Variants in NDST4 observed in about 807,000 individuals in gnomAD.
NDST4 encodes the protein N-deacetylase and N-sulfotransferase 4.
In NDST4, 63 loss-of-function variants were observed where a neutral mutation model predicts 100.8. The observed-to-expected ratio is 0.62, with a 90% CI of 0.51 to 0.77. The LOEUF (loss-of-function observed/expected upper bound fraction) is 0.77. NDST4 is among the 30% of genes least tolerant of loss of function. NDST4 has a pLI of 0.00. For synonymous variants in NDST4, 377 were observed against 361.8 expected, an observed-to-expected ratio of 1.04 and a Z score of -0.48; for missense variants, 943 against 1,018.4, an observed-to-expected ratio of 0.93 and a Z score of 1.01.
intron 4 of NDST4, among the ~76,000 whole-genome samples, chr4:114,961,579 T>C (rs1044758408): frequency 7.2e-5 from 11 of 151,808 alleles, no homozygotes; most frequent in African/African-American, 2.4e-4. Flanking sequence ...GCCAAATATT[T>C]GATAACTTAG....
chr4:114,974,866 A>T (rs1726594722), intron 3 of NDST4, among the ~76,000 whole-genome samples: 1 of 152,134 alleles, frequency 6.6e-6, no homozygotes, highest in African/African-American at 2.4e-5. Context: ...AATCATTATT[A>T]CACTGGGCCT....
intron 1 of NDST4, among the ~76,000 whole-genome samples, chr4:115,099,688 A>G (rs1729691589): frequency 6.6e-6 from 1 of 152,164 alleles, no homozygotes; most frequent in African/African-American, 2.4e-5. Flanking sequence ...GACATAGAGC[A>G]ACAAGTGCTC....
intron 6 of NDST4, among the ~76,000 whole-genome samples, chr4:114,888,801 G>A (rs764142357): frequency 1.3e-5 from 2 of 152,036 alleles, no homozygotes; most frequent in Non-Finnish European, 2.9e-5. Flanking sequence ...TAAGAAATAC[G>A]GTATCAGCAT....
intron 2 of NDST4, among the ~76,000 whole-genome samples, chr4:115,029,213 G>A (rs1055278629): frequency 3.3e-5 from 5 of 152,072 alleles, no homozygotes; most frequent in African/African-American, 1.2e-4. Context: ...GGGATGTGAG[G>A]TCAAAGAAGG....
intron 2 of NDST4, among the ~76,000 whole-genome samples, chr4:114,997,784 G>C (rs891828943): frequency 2.0e-5 from 3 of 151,988 alleles, no homozygotes; most frequent in Non-Finnish European, 4.4e-5. Context: ...CACTCAGAGA[G>C]AACTATGACT....
chr4:114,929,703 C>G (rs1725472983), intron 6 of NDST4, among the ~76,000 whole-genome samples: 1 of 152,098 alleles, frequency 6.6e-6, no homozygotes, highest in African/African-American at 2.4e-5. Flanking sequence ...GATTAGTTCA[C>G]AAGTGGTAAA....
intron 6 of NDST4, among the ~76,000 whole-genome samples, chr4:114,926,033 G>A (rs948790219): frequency 1.3e-5 from 2 of 152,074 alleles, no homozygotes; most frequent in Non-Finnish European, 2.9e-5. Context: ...TGGACTACCT[G>A]GTGTAAGCTG....
At chr4:114,908,272 G>T (rs2126213278) in intron 6 of NDST4, among the ~76,000 whole-genome samples, 1 of 152,038 alleles carries the variant, frequency 6.6e-6, no homozygotes, top group African/African-American at 2.4e-5. Context: ...GTACTTTCTA[G>T]TACTTTAAAA....
intron 2 of NDST4, among the ~76,000 whole-genome samples, chr4:115,058,555 G>A (rs1407835775): frequency 6.6e-6 from 1 of 152,018 alleles, no homozygotes; most frequent in Non-Finnish European, 1.5e-5. Flanking sequence ...GTTACTGTTT[G>A]TACTGAATTT....
chr4:114,876,966 T>C (rs886290800), intron 6 of NDST4, among the ~76,000 whole-genome samples: 3 of 152,158 alleles, frequency 2.0e-5, no homozygotes, highest in South Asian at 2.1e-4. Context: ...TGAGTTTATA[T>C]AGGGAATTCT....
intron 4 of NDST4, among the ~76,000 whole-genome samples, chr4:114,959,486 A>C (rs2126235520): frequency 6.6e-6 from 1 of 152,312 alleles, no homozygotes; most frequent in Non-Finnish European, 1.5e-5. Flanking sequence ...CACATCTTAC[A>C]TGGTGGCAGG....
At chr4:115,088,803 C>A (rs376709565) in intron 1 of NDST4, among the ~76,000 whole-genome samples, 119 of 152,096 alleles carry the variant, frequency 7.8e-4, no homozygotes, top group South Asian at 1.2e-3. Flanking sequence ...TCTCTTTTAT[C>A]TTTAAGTCTA....
intron 2 of NDST4, among the ~76,000 whole-genome samples, chr4:115,064,019 C>G (rs981128376): frequency 2.0e-5 from 3 of 151,882 alleles, no homozygotes; most frequent in Non-Finnish European, 2.9e-5. Flanking sequence ...CAGCACTTAA[C>G]GTTAGTATTA....
chr4:115,045,649 C>A (rs1161746608), intron 2 of NDST4, among the ~76,000 whole-genome samples: 1 of 152,180 alleles, frequency 6.6e-6, no homozygotes, highest in African/African-American at 2.4e-5. Flanking sequence ...CTTTTTCATT[C>A]TGGAGAGGCC....
At chr4:114,845,064 T>C (rs1723514657) in intron 10 of NDST4, among the ~76,000 whole-genome samples, 1 of 152,186 alleles carries the variant, frequency 6.6e-6, no homozygotes, top group African/African-American at 2.4e-5. Flanking sequence ...GCTTGGTGGC[T>C]CATGCTTGTA....
At chr4:114,839,338 A>G (rs776620977) in intron 11 of NDST4, 40 bp downstream of exon 11, 13 of 1,543,932 alleles carry the variant, frequency 8.4e-6, no homozygotes, top group Non-Finnish European at 1.1e-5. Flanking sequence ...TCAGGACATT[A>G]TAATAAAATA....
At chr4:114,955,179 C>T (rs528986165) in intron 4 of NDST4, among the ~76,000 whole-genome samples, 3 of 152,268 alleles carry the variant, frequency 2.0e-5, no homozygotes, top group African/African-American at 4.8e-5. Context: ...AAGAACTGTA[C>T]AGCCTTGATG....
chr4:115,001,406 A>G (rs1188136545), intron 2 of NDST4, among the ~76,000 whole-genome samples: 1 of 151,972 alleles, frequency 6.6e-6, no homozygotes, highest in African/African-American at 2.4e-5. Flanking sequence ...GAGCACAACC[A>G]TTAGTTTCCC....
intron 8 of NDST4, among the ~76,000 whole-genome samples, chr4:114,850,883 C>T (rs1480441498): frequency 6.6e-6 from 1 of 152,146 alleles, no homozygotes; most frequent in Admixed American, 6.5e-5. Flanking sequence ...TCACAAGGGA[C>T]TATGATTTGA....
Sources: gnomAD v4.1 joint callset for allele counts (sites outside exome capture counted in the v4.1 genomes callset) on GRCh38, gnomAD v4.1.1 for gene constraint, MANE v1.5 for transcripts, NCBI Gene and HGNC (gene_info 2026-07-23, HGNC 2026-07-21) for gene names.